Variants in PEX5L observed in about 807,000 individuals in gnomAD.
PEX5L encodes the protein PEX5-related protein.
In PEX5L, 30 loss-of-function variants were observed where a neutral mutation model predicts 84.0. The ratio of observed to expected loss-of-function variants is 0.36; its 90% CI spans 0.27 to 0.48. The LOEUF is 0.48. Ranked by LOEUF, PEX5L falls within the 20% of genes least tolerant of loss-of-function variation. The pLI, the probability that PEX5L is intolerant of heterozygous loss-of-function variation, is 0.99. For missense variants in PEX5L, 533 were observed against 754.6 expected (o/e 0.71, Z 3.44); for synonymous variants, 270 against 283.1 (o/e 0.95, Z 0.46).
chr3:179,932,387 C>T (rs1773353150), intron 2 of PEX5L, among the ~76,000 whole-genome samples: 1 of 152,070 alleles, frequency 6.6e-6, no homozygotes, highest in African/African-American at 2.4e-5. Context: ...GCTTGAGTTT[C>T]ATATATGAGC....
chr3:179,866,971 A>G (rs907197062), intron 7 of PEX5L, among the ~76,000 whole-genome samples: 71 of 144,966 alleles, frequency 4.9e-4, no homozygotes, highest in African/African-American at 1.8e-3. Flanking sequence ...TGTTGCCGTG[A>G]GTCGAGATCG....
chr3:180,011,812 C>T (rs572081013), intron 1 of PEX5L, among the ~76,000 whole-genome samples: 12 of 152,260 alleles, frequency 7.9e-5, no homozygotes, highest in Non-Finnish European at 1.8e-4. Flanking sequence ...GGACAACAGA[C>T]CACATTTAAA....
intron 1 of PEX5L, among the ~76,000 whole-genome samples, chr3:179,998,705 A>G (rs1788116390): frequency 1.3e-5 from 2 of 152,250 alleles, no homozygotes; most frequent in Non-Finnish European, 2.9e-5. Flanking sequence ...GGCCATGGAC[A>G]GCAGCATTCC....
intron 8 of PEX5L, among the ~76,000 whole-genome samples, chr3:179,844,599 C>T (rs546089157): frequency 7.9e-5 from 12 of 152,212 alleles, no homozygotes; most frequent in East Asian, 1.9e-4. Flanking sequence ...GAGGCCGAGG[C>T]GGGCGGATCA....
rs962261511 is a variant in PEX5L, at chr3:179,796,794, A to T, written c.*5034T>A. On this transcript the variant is annotated 3_prime_UTR_variant, in exon 15 of 15. Transcript: ENST00000467460. Reference sequence around the variant, plus strand: ...CCGTGAAATCACCTCATCACTCCCTAAATATCAGTGTTTTTAGACCTGTTG... The same window carrying T: ...CCGTGAAATCACCTCATCACTCCCTTAATATCAGTGTTTTTAGACCTGTTG... 1 of 152,138 alleles carries T rather than the reference A, an allele frequency of 6.6e-6. No individual in the cohort carries two copies. The highest frequency in any genetic ancestry group is 1.5e-5 in the Non-Finnish European group (1 of 68,006). The allele number at this position is 152,138 out of a possible 1,614,324, so 9.4% of individuals were successfully genotyped here.
rs1577047580 is a variant in PEX5L, at chr3:179,799,054, G to A, written c.*2774C>T. 1.3e-5 allele frequency: 1 copy of A among 77,042 alleles called. No individual in the cohort carries two copies. Among genetic ancestry groups the A allele is most frequent in the Middle Eastern group, 5.7e-3 (1 of 176 alleles). The allele number at this position is 77,042 out of a possible 1,614,324, so 4.8% of individuals were successfully genotyped here. A position where few individuals can be genotyped will look rare whatever the true frequency, so the allele number is the denominator to read the frequency against. On this transcript the variant is annotated 3_prime_UTR_variant, in exon 15 of 15. Coordinates refer to ENST00000467460, the MANE Select transcript of PEX5L (RefSeq NM_016559.3). ...CCTGCCTCAGCCTCCTGAGTAGCTGGTATTACAGGTGCATACCACTACACC... is the reference window on the plus strand; with the variant it reads ...CCTGCCTCAGCCTCCTGAGTAGCTGATATTACAGGTGCATACCACTACACC...
chr3:179,888,591 G>T (rs1304275648), intron 3 of PEX5L, among the ~76,000 whole-genome samples: 6 of 150,506 alleles, frequency 4.0e-5, no homozygotes, highest in Non-Finnish European at 7.4e-5. Flanking sequence ...TGTTTCTACG[G>T]TTAAGGGAGA....
rs1784787954 is a variant in PEX5L, at chr3:179,971,682, T to C, written c.22-17A>G. The C allele has an allele frequency of 1.3e-6, 2 of 1,585,742 alleles. No individual in the cohort carries two copies. Among genetic ancestry groups the C allele is most frequent in the South Asian group, 2.3e-5 (2 of 86,582 alleles). On this transcript the variant is annotated splice_polypyrimidine_tract_variant and intron_variant, in intron 1 of 14. Coordinates refer to ENST00000467460, the MANE Select transcript of PEX5L (RefSeq NM_016559.3). ...TTTACTTTTCTTGTGAAAGAATAATTTTAAATGATCATTTAGTTTCTATCC... is the reference window on the plus strand; with the variant it reads ...TTTACTTTTCTTGTGAAAGAATAATCTTAAATGATCATTTAGTTTCTATCC...
intron 2 of PEX5L, among the ~76,000 whole-genome samples, chr3:179,933,356 G>A (rs1212654467): frequency 1.3e-5 from 2 of 152,124 alleles, no homozygotes; most frequent in African/African-American, 2.4e-5. Flanking sequence ...ATCATCCACA[G>A]CACCAGCTCA....
At chr3:179,916,452 T>C (rs989418501) in intron 2 of PEX5L, among the ~76,000 whole-genome samples, 1 of 152,162 alleles carries the variant, frequency 6.6e-6, no homozygotes, top group Admixed American at 6.5e-5. Context: ...TATACCAATA[T>C]AGGGTACTTA....
intron 8 of PEX5L, among the ~76,000 whole-genome samples, chr3:179,846,508 G>A (rs1222985611): frequency 6.6e-6 from 1 of 152,108 alleles, no homozygotes; most frequent in Admixed American, 6.5e-5. Flanking sequence ...AGCTGTGATG[G>A]TTAACTTTAT....
At chr3:179,857,124 T>C (rs138217501) in intron 8 of PEX5L, among the ~76,000 whole-genome samples, 2 of 152,310 alleles carry the variant, frequency 1.3e-5, no homozygotes, top group African/African-American at 4.8e-5. Flanking sequence ...GAAAGGATCA[T>C]AGAGGCATGG....
At position 179,796,722 on chromosome 3, in the gene PEX5L, G is replaced by A. The variant is rs1029174385; in HGVS notation, c.*5106C>T. On this transcript the variant is annotated 3_prime_UTR_variant, in exon 15 of 15. Coordinates refer to ENST00000467460, the MANE Select transcript of PEX5L (RefSeq NM_016559.3). ...TTTCTGGTCTCCTCATAAAATAGGG[G>A]TTATGGGAAAAGGCAGTGAGAAGAT... 1.3e-5 allele frequency: 2 copies of A among 152,048 alleles called. No homozygotes were observed. Among genetic ancestry groups the A allele is most frequent in the African/African-American group, 2.4e-5 (1 of 41,392 alleles). 9.4% of individuals were successfully genotyped at this position (152,048 alleles called of 1,614,324 possible).
At position 179,937,066 on chromosome 3, in the gene PEX5L, CT is replaced by C. The variant is rs533503072; in HGVS notation, c.93+34527del. Among the ~76,000 whole-genome samples, 22 of 152,012 alleles carry C rather than the reference CT, an allele frequency of 1.4e-4. 2 individuals carry two copies. The East Asian group carries it at 4.2e-3, about 29-fold the overall frequency. Reference sequence around the variant, plus strand: ...ATCAGTCAATACGTTTATTGTGCCCCTCATATATATATATATACATATACAA... The same window carrying C: ...ATCAGTCAATACGTTTATTGTGCCCCCATATATATATATATACATATACAA... On this transcript the variant is annotated intron_variant, in intron 2 of 14. Coordinates refer to ENST00000467460, the MANE Select transcript of PEX5L (RefSeq NM_016559.3).
chr3:179,949,217 T>TA (rs916324107), intron 2 of PEX5L, among the ~76,000 whole-genome samples: 27 of 151,064 alleles, frequency 1.8e-4, no homozygotes, highest in East Asian at 9.7e-4. Flanking sequence ...AGTAGATTTT[T>TA]AAAAAAAAAA....
chr3:179,945,992 G>A (rs6795496), intron 2 of PEX5L, among the ~76,000 whole-genome samples: 30,409 of 151,890 alleles, frequency 0.2, 3,473 homozygotes, highest in African/African-American at 0.29. Flanking sequence ...TGTACAGATA[G>A]ATGTGTTGAT....
intron 1 of PEX5L, among the ~76,000 whole-genome samples, chr3:180,028,657 G>A (rs1791179033): frequency 6.6e-6 from 1 of 152,186 alleles, no homozygotes. Context: ...TAACCAGTGT[G>A]GGACTTTCTG....
intron 2 of PEX5L, among the ~76,000 whole-genome samples, chr3:179,909,980 A>G (rs1394591614): frequency 6.6e-6 from 1 of 152,244 alleles, no homozygotes; most frequent in East Asian, 1.9e-4. Context: ...TTGTCATGGA[A>G]GCCCTAGTAA....
intron 2 of PEX5L, among the ~76,000 whole-genome samples, chr3:179,948,580 T>A (rs1778233750): frequency 6.6e-6 from 1 of 152,024 alleles, no homozygotes; most frequent in Non-Finnish European, 1.5e-5. Flanking sequence ...AGAATTAGAA[T>A]TCAGCAAAAT....
Sources: gnomAD v4.1 joint callset for allele counts (sites outside exome capture counted in the v4.1 genomes callset) on GRCh38, gnomAD v4.1.1 for gene constraint, MANE v1.5 for transcripts, NCBI Gene and HGNC (gene_info 2026-07-23, HGNC 2026-07-21) for gene names.